DENND10: variants seen among roughly 807,000 people sequenced by gnomAD.
DENND10 encodes the protein DENN domain-containing protein 10.
Under a neutral mutation model 43.6 loss-of-function variants are expected in DENND10, and 24 were observed. The observed-to-expected ratio is 0.55, with a 90% CI of 0.40 to 0.77. DENND10 has a LOEUF of 0.77. Ranked by LOEUF, DENND10 falls within the 30% of genes least tolerant of loss-of-function variation. DENND10 has a pLI of 0.00. For missense variants in DENND10, 303 were observed against 429.9 expected, an observed-to-expected ratio of 0.70 and a Z score of 2.61; for synonymous variants, 125 against 157.6, an observed-to-expected ratio of 0.79 and a Z score of 1.55.
At chr10:119,113,131 G>C (rs183988994) in intron 3 of DENND10, among the ~76,000 whole-genome samples, 1 of 150,472 alleles carries the variant, frequency 6.6e-6, no homozygotes, top group Non-Finnish European at 1.5e-5. Flanking sequence ...GATTATAGGC[G>C]TGAGCCACCG....
Position 119,117,427 on chromosome 10 carries a change from T to G in DENND10, c.333-92T>G. ...GGGCAGTAGCAAGGTGGCCTCGGAT[T>G]CTTGAGAAGGCACCCATACCAGCCT... is the stretch of plus-strand genomic sequence containing the variant. On this transcript the variant is annotated intron_variant, in intron 3 of 8. Transcript: ENST00000361432. 6 of 1,358,112 alleles carry G rather than the reference T, an allele frequency of 4.4e-6. No homozygotes were observed. In the South Asian group the frequency reaches 7.3e-5, roughly 17 times the overall value. 84.1% of individuals were successfully genotyped at this position (1,358,112 alleles called of 1,614,324 possible). A position where few individuals can be genotyped will look rare whatever the true frequency, so the allele number is the denominator to read the frequency against.
At chr10:119,117,982 A>G (rs1165839698) in intron 4 of DENND10, among the ~76,000 whole-genome samples, 4 of 152,092 alleles carry the variant, frequency 2.6e-5, no homozygotes, top group African/African-American at 7.2e-5. Flanking sequence ...AAAACAAAAA[A>G]CAAAAAAAAG....
At chr10:119,119,393 C>T (rs915657850) in intron 4 of DENND10, among the ~76,000 whole-genome samples, 2 of 152,078 alleles carry the variant, frequency 1.3e-5, no homozygotes, top group Admixed American at 6.5e-5. Flanking sequence ...CCACCCGCCT[C>T]GGCCTCCCAA....
chr10:119,110,185 T>G (rs946272118), intron 2 of DENND10, among the ~76,000 whole-genome samples: 13 of 152,118 alleles, frequency 8.5e-5, no homozygotes, highest in South Asian at 2.1e-4. Flanking sequence ...TTTTGTTTTT[T>G]TTTTGAGATG....
chr10:119,133,848 C>G (rs1407857376), intron 8 of DENND10: 1 of 152,206 alleles, frequency 6.6e-6, no homozygotes, highest in Non-Finnish European at 1.5e-5. Context: ...AAGACATATT[C>G]TTACAATATC....
At chr10:119,130,809 C>T (rs1485862846) in intron 7 of DENND10, among the ~76,000 whole-genome samples, 2 of 152,176 alleles carry the variant, frequency 1.3e-5, no homozygotes, top group Admixed American at 1.3e-4. Context: ...CTTGAGTGTT[C>T]TTACAATATG....
At chr10:119,123,429 TG>T in intron 5 of DENND10, 39 bp from the exon 6 acceptor site, 1 of 1,463,278 alleles carries the variant, frequency 6.8e-7, no homozygotes, top group Non-Finnish European at 9.6e-7. Context: ...CTTTAAGGTG[TG>T]GACCAGCAAC....
At position 119,104,125 on chromosome 10, in the gene DENND10, G is replaced by A; in HGVS notation, c.-18G>A. ...TCCTGCAGGCGGCAGCCAGAGCTGC[G>A]CGCCGCGGCGGCGGAAGATGGCTGC... is the stretch of plus-strand genomic sequence containing the variant. On this transcript the variant is annotated 5_prime_UTR_variant, in exon 1 of 9. Transcript: ENST00000361432. 2 of 1,501,334 alleles carry A rather than the reference G, an allele frequency of 1.3e-6. No homozygotes were observed. Among genetic ancestry groups the A allele is most frequent in the Non-Finnish European group, 8.9e-7 (1 of 1,125,402 alleles). The allele number at this position is 1,501,334 out of a possible 1,614,324, so 93.0% of individuals were successfully genotyped here.
chr10:119,123,279 T>C (rs1241735638), intron 5 of DENND10, among the ~76,000 whole-genome samples, 190 bp from the exon 6 acceptor site: 2 of 152,064 alleles, frequency 1.3e-5, no homozygotes, highest in African/African-American at 4.8e-5. Flanking sequence ...AAAAAATAAA[T>C]AGTAAAACAT....
At chr10:119,108,901 C>T (rs1436051916) in intron 2 of DENND10, among the ~76,000 whole-genome samples, 4 of 150,988 alleles carry the variant, frequency 2.6e-5, no homozygotes, top group African/African-American at 7.3e-5. Context: ...GTGATGCACC[C>T]GGCCAGGATA....
intron 5 of DENND10, among the ~76,000 whole-genome samples, chr10:119,121,610 A>G (rs912470317): frequency 6.6e-6 from 1 of 151,608 alleles, no homozygotes; most frequent in African/African-American, 2.4e-5. Context: ...GCGCACCACC[A>G]CGCCCAGCTA....
chr10:119,114,959 G>A (rs1214346434), intron 3 of DENND10, among the ~76,000 whole-genome samples: 1 of 151,830 alleles, frequency 6.6e-6, no homozygotes, highest in Non-Finnish European at 1.5e-5. Flanking sequence ...TAGTAGAGAC[G>A]GGGTTTCACC....
chr10:119,110,485 TCTCA>T (rs1340321044), intron 2 of DENND10, among the ~76,000 whole-genome samples: 1 of 152,062 alleles, frequency 6.6e-6, no homozygotes, highest in Non-Finnish European at 1.5e-5. Flanking sequence ...TGAGACAAAG[TCTCA>T]CTCTGTCGCC....
intron 3 of DENND10, among the ~76,000 whole-genome samples, chr10:119,116,965 C>T (rs1845315459): frequency 6.6e-6 from 1 of 151,926 alleles, no homozygotes; most frequent in Non-Finnish European, 1.5e-5. Flanking sequence ...CAGGCATGAG[C>T]CACTGCGCCC....
chr10:119,123,538 C>G lies in DENND10; in HGVS notation c.663C>G (p.Ala221=), dbSNP rs200495809. 1.2e-6 allele frequency: 2 copies of G among 1,613,110 alleles called. No homozygotes were observed. The highest frequency in any genetic ancestry group is 8.5e-7 in the Non-Finnish European group (1 of 1,179,712). The change falls in exon 6 of 9, where the codon GCC becomes GCG. Residue 221 remains alanine, a synonymous_variant. Coordinates refer to ENST00000361432, the MANE Select transcript of DENND10 (RefSeq NM_207009.4). Reference sequence around the variant, plus strand: ...TTCACTCTTACGTGCACCTCAACGCCGATGAGCTGGAAGCCCTGCAGATGT... The same window carrying G: ...TTCACTCTTACGTGCACCTCAACGCGGATGAGCTGGAAGCCCTGCAGATGT... ...TILHSYVHLN[A]DELEALQMCT... is the part of the protein sequence containing the mutation.
Position 119,104,121 on chromosome 10 carries a change from C to A in DENND10, c.-22C>A, listed in dbSNP as rs1233494715. On this transcript the variant is annotated 5_prime_UTR_variant, in exon 1 of 9. The change creates a new upstream start codon in the 5' untranslated region. Transcript: ENST00000361432. ...CCGGTCCTGCAGGCGGCAGCCAGAGCTGCGCGCCGCGGCGGCGGAAGATGG... is the reference window on the plus strand; with the variant it reads ...CCGGTCCTGCAGGCGGCAGCCAGAGATGCGCGCCGCGGCGGCGGAAGATGG... 6.7e-7 allele frequency: 1 copy of A among 1,498,306 alleles called. No individual in the cohort carries two copies. Among genetic ancestry groups the A allele is most frequent in the Non-Finnish European group, 8.9e-7 (1 of 1,123,856 alleles). The allele number at this position is 1,498,306 out of a possible 1,614,324, so 92.8% of individuals were successfully genotyped here. A position where few individuals can be genotyped will look rare whatever the true frequency, so the allele number is the denominator to read the frequency against.
chr10:119,105,011 G>C (rs1266850436), intron 1 of DENND10: 1 of 152,210 alleles, frequency 6.6e-6, no homozygotes, highest in Non-Finnish European at 1.5e-5. Flanking sequence ...ATCTCGGTTA[G>C]CTCTGAGGAA....
At chr10:119,129,723 C>A in intron 7 of DENND10, 101 bp downstream of exon 7, 1 of 768,984 alleles carries the variant, frequency 1.3e-6, no homozygotes, top group Non-Finnish European at 2.3e-6. Flanking sequence ...GGCTTACCAA[C>A]TCTGCTGAAG....
chr10:119,116,661 CT>C (rs1845289554), intron 3 of DENND10, among the ~76,000 whole-genome samples: 2 of 91,412 alleles, frequency 2.2e-5, no homozygotes, highest in Non-Finnish European at 4.4e-5. Flanking sequence ...TTCTTTCTTT[CT>C]TTCTTTTTTT....
Sources: allele counts gnomAD v4.1 joint callset (sites outside exome capture counted in the v4.1 genomes callset), GRCh38; gene constraint gnomAD v4.1.1; transcripts MANE v1.5; gene names NCBI Gene and HGNC (gene_info 2026-07-23, HGNC 2026-07-21).